The following PDE2A variants were observed in gnomAD, a reference collection of about 807,000 sequenced individuals.
The protein encoded by PDE2A is cGMP-dependent 3',5'-cyclic phosphodiesterase.
A neutral mutation model predicts 133.6 loss-of-function variants in PDE2A; 53 were observed. The observed-to-expected ratio is 0.40, with a 90% CI of 0.32 to 0.50. The LOEUF (loss-of-function observed/expected upper bound fraction) is 0.50. Among genes scored for constraint, PDE2A ranks in the 20% least tolerant of loss-of-function variants. PDE2A has a pLI of 0.73. For synonymous variants in PDE2A, 491 were observed against 490.2 expected (o/e 1.00, Z -0.02); for missense variants, 796 against 1,232.4 (o/e 0.65, Z 5.30).
chr11:72,607,768 G>A (rs1857038019), intron 3 of PDE2A, among the ~76,000 whole-genome samples: 1 of 152,154 alleles, frequency 6.6e-6, no homozygotes. Context: ...ATTTCCTGGA[G>A]CAGAGGCTGC....
intron 2 of PDE2A, among the ~76,000 whole-genome samples, chr11:72,612,275 CCACACACA>C (rs55775130): frequency 0.2 from 24,591 of 124,016 alleles, 2,490 homozygotes; most frequent in East Asian, 0.34. Context: ...CACATCACAT[CCACACACA>C]CACACACACA....
At chr11:72,633,387 A>C (rs747533213) in intron 2 of PDE2A, among the ~76,000 whole-genome samples, 15 of 152,150 alleles carry the variant, frequency 9.9e-5, no homozygotes, top group Admixed American at 3.9e-4. Flanking sequence ...CCCAGGACTG[A>C]AGGGGGGACT....
At position 72,590,516 on chromosome 11, in the gene PDE2A, G is replaced by A. The variant is rs1335297708; in HGVS notation, c.614C>T (p.Ala205Val). 5 of 1,470,884 alleles carry A rather than the reference G, an allele frequency of 3.4e-6. No homozygotes were observed. Among genetic ancestry groups the A allele is most frequent in the Middle Eastern group, 1.8e-4 (1 of 5,454 alleles). 91.1% of individuals were successfully genotyped at this position (1,470,884 alleles called of 1,614,324 possible). A position where few individuals can be genotyped will look rare whatever the true frequency, so the allele number is the denominator to read the frequency against. The change falls in exon 8 of 31, where the codon GCC becomes GTC. Residue 205 changes from alanine to valine, a missense_variant. Transcript: ENST00000334456. This position sits in a 1 kb window ranked among gnomAD's most constrained non-coding sequence, Gnocchi z 4.8. Reference sequence around the variant, plus strand: ...CGTCCCCTCCGGGGGGTTCTGGACGGCTCGGGGAGCCTCCCTGGGCCCGCG... The same window carrying A: ...CGTCCCCTCCGGGGGGTTCTGGACGACTCGGGGAGCCTCCCTGGGCCCGCG... ...QQRGPREAPRAVQNPPEGTAE... is the reference protein window; with the variant it reads ...QQRGPREAPRVVQNPPEGTAE...
intron 2 of PDE2A, chr11:72,631,082 A>G: frequency 1.3e-6 from 2 of 1,516,820 alleles, no homozygotes; most frequent in Non-Finnish European, 1.8e-6. Context: ...TCTCACCTCC[A>G]GTCGGTCGTC....
chr11:72,581,761 G>T, intron 22 of PDE2A, 116 bp downstream of exon 22: 2 of 1,007,758 alleles, frequency 2.0e-6, no homozygotes, highest in Non-Finnish European at 3.1e-6. Flanking sequence ...ACCCCCATAA[G>T]ACTGGGTCTC....
At chr11:72,613,327 T>G (rs1857302231) in intron 2 of PDE2A, among the ~76,000 whole-genome samples, 1 of 151,932 alleles carries the variant, frequency 6.6e-6, no homozygotes, top group African/African-American at 2.4e-5. Flanking sequence ...TTCACACTGA[T>G]TCATGCAACT....
At chr11:72,619,621 C>A (rs973643853) in intron 2 of PDE2A, among the ~76,000 whole-genome samples, 1 of 152,132 alleles carries the variant, frequency 6.6e-6, no homozygotes, top group East Asian at 1.9e-4. Context: ...TCATTGATGT[C>A]CATGTGACAG....
intron 13 of PDE2A, among the ~76,000 whole-genome samples, chr11:72,588,250 C>A (rs905261157): frequency 2.0e-5 from 3 of 152,180 alleles, no homozygotes; most frequent in Non-Finnish European, 1.5e-5. Flanking sequence ...CATTTCTAGA[C>A]CCCAGGTTTG....
chr11:72,592,108 C>T (rs1006741533), intron 6 of PDE2A, among the ~76,000 whole-genome samples: 2 of 152,166 alleles, frequency 1.3e-5, no homozygotes, highest in Non-Finnish European at 2.9e-5. Flanking sequence ...GAACTCAGCC[C>T]ATCTTTCATA....
intron 20 of PDE2A, among the ~76,000 whole-genome samples, chr11:72,583,175 C>T (rs1855799386): frequency 6.6e-6 from 1 of 152,204 alleles, no homozygotes; most frequent in African/African-American, 2.4e-5. Context: ...GAATTATTCC[C>T]TGAACATGGG....
rs771332803 is a variant in PDE2A, at chr11:72,578,350, C to A, written c.2509-11G>T. ...GCCCATGGCCTTCTCCTGCAGGCATCGAGTCGTCAGGCCTGTCCCTCTCAT... is the reference window on the plus strand; with the variant it reads ...GCCCATGGCCTTCTCCTGCAGGCATAGAGTCGTCAGGCCTGTCCCTCTCAT... On this transcript the variant is annotated splice_polypyrimidine_tract_variant and intron_variant, in intron 29 of 30. Transcript: ENST00000334456. This position sits in a 1 kb window ranked among gnomAD's most constrained non-coding sequence, Gnocchi z 4.2. 6.3e-7 allele frequency: 1 copy of A among 1,597,800 alleles called. No individual in the cohort carries two copies. Among genetic ancestry groups the A allele is most frequent in the Non-Finnish European group, 8.6e-7 (1 of 1,165,210 alleles).
chr11:72,617,958 G>A (rs551127272), intron 2 of PDE2A, among the ~76,000 whole-genome samples: 1 of 152,286 alleles, frequency 6.6e-6, no homozygotes, highest in South Asian at 2.1e-4. Context: ...GGGCACGCCT[G>A]CCCTCCGGGG....
chr11:72,598,789 T>C, intron 4 of PDE2A: 1 of 985,452 alleles, frequency 1.0e-6, no homozygotes, highest in Non-Finnish European at 1.2e-6. Context: ...CGCAGCATTC[T>C]GAACCAAACC....
At chr11:72,660,898 G>A (rs1273656353) in intron 1 of PDE2A, among the ~76,000 whole-genome samples, 1 of 152,056 alleles carries the variant, frequency 6.6e-6, no homozygotes, top group African/African-American at 2.4e-5. Flanking sequence ...GGCCAGCTCT[G>A]GGAAGGAGGG....
At chr11:72,606,609 A>G (rs972760069) in intron 3 of PDE2A, among the ~76,000 whole-genome samples, 1 of 152,146 alleles carries the variant, frequency 6.6e-6, no homozygotes, top group Admixed American at 6.5e-5. Context: ...AAGGAAACCT[A>G]AGTGGGATGT....
intron 2 of PDE2A, among the ~76,000 whole-genome samples, chr11:72,633,125 C>T (rs537575910): frequency 6.6e-6 from 1 of 152,322 alleles, no homozygotes; most frequent in Admixed American, 6.5e-5. Context: ...TAGAGAACTG[C>T]TGCTGGAGAA....
At chr11:72,605,341 T>G in intron 3 of PDE2A, 115 bp from the exon 4 acceptor site, 1 of 485,374 alleles carries the variant, frequency 2.1e-6, no homozygotes, top group African/African-American at 2.0e-5. Context: ...AGTGGAGCTC[T>G]GGCAATGATC....
rs971676947 is a variant in PDE2A at position 72,674,244 on chromosome 11, T to C, written c.-37A>G. The C allele has an allele frequency of 6.3e-7, 1 of 1,589,946 alleles. No individual in the cohort carries two copies. The highest frequency in any genetic ancestry group is 8.5e-7 in the Non-Finnish European group (1 of 1,171,524). On this transcript the variant is annotated 5_prime_UTR_variant, in exon 1 of 31. Transcript: ENST00000334456. ...GTCCGCCTCCCCAGCCAGACTAAGG[T>C]GGCACCTCGCCCTGTCCCCGCTGCC... is the stretch of plus-strand genomic sequence containing the variant.
At chr11:72,672,183 T>C (rs1287864724) in intron 1 of PDE2A, among the ~76,000 whole-genome samples, 1 of 113,128 alleles carries the variant, frequency 8.8e-6, no homozygotes, top group Non-Finnish European at 2.0e-5. Flanking sequence ...TTTTTTTTTT[T>C]CTTCTTTTGA....
Sources: allele counts gnomAD v4.1 joint callset (sites outside exome capture counted in the v4.1 genomes callset), GRCh38; gene constraint gnomAD v4.1.1; non-coding constraint Gnocchi (gnomAD v3.1); transcripts MANE v1.5; gene names NCBI Gene and HGNC (gene_info 2026-07-23, HGNC 2026-07-21).